TMEM120B: variants seen among roughly 807,000 people sequenced by gnomAD.
TMEM120B encodes the protein transmembrane protein 120B.
Under a neutral mutation model 55.5 loss-of-function variants are expected in TMEM120B, and 31 were observed. The observed-to-expected ratio is 0.56, with a 90% CI of 0.42 to 0.75. TMEM120B has a LOEUF of 0.75. TMEM120B is among the 30% of genes least tolerant of loss of function. The pLI is 0.00. For synonymous variants in TMEM120B, 203 were observed against 176.3 expected, an observed-to-expected ratio of 1.15 and a Z score of -1.20; for missense variants, 399 against 425.5, an observed-to-expected ratio of 0.94 and a Z score of 0.55.
chr12:121,752,294 C>A, intron 5 of TMEM120B, 71 bp downstream of exon 5: 1 of 1,327,150 alleles, frequency 7.5e-7, no homozygotes, highest in South Asian at 1.2e-5. Flanking sequence ...AGAGAGGGAT[C>A]CAGGGGACCC....
chr12:121,742,261 C>T (rs1056086544), intron 1 of TMEM120B, among the ~76,000 whole-genome samples: 19 of 152,132 alleles, frequency 1.2e-4, no homozygotes, highest in African/African-American at 4.3e-4. Context: ...CCTTGGCCTC[C>T]CAAAGTGCTG....
intron 8 of TMEM120B, among the ~76,000 whole-genome samples, chr12:121,772,050 T>C (rs1274428546): frequency 6.6e-6 from 1 of 151,782 alleles, no homozygotes; most frequent in Non-Finnish European, 1.5e-5. Context: ...TCTTTCTTTC[T>C]TTCTTTTTCT....
At chr12:121,730,833 C>T (rs1011708913) in intron 1 of TMEM120B, among the ~76,000 whole-genome samples, 1 of 151,524 alleles carries the variant, frequency 6.6e-6, no homozygotes, top group African/African-American at 2.4e-5. Flanking sequence ...TGGCACATGC[C>T]TGTAATCCCA....
Position 121,775,854 on chromosome 12 carries a change from T to C in TMEM120B, c.*132T>C, listed in dbSNP as rs888309259. 6.4e-6 allele frequency: 6 copies of C among 934,618 alleles called. No homozygotes were observed. In the African/African-American group the frequency reaches 8.1e-5, roughly 13 times the overall value. The allele number at this position is 934,618 out of a possible 1,614,324, so 57.9% of individuals were successfully genotyped here. ...GCCCTGGTCCCCCAGTGGACCCCAG[T>C]GGTCTAGAGGAATGTGAGCCCCGCC... On this transcript the variant is annotated 3_prime_UTR_variant, in exon 12 of 12. Transcript: ENST00000449592. This position sits in a 1 kb window ranked among gnomAD's most constrained non-coding sequence, Gnocchi z 4.3.
chr12:121,760,322 C>T (rs975808394), intron 5 of TMEM120B, among the ~76,000 whole-genome samples: 12 of 151,758 alleles, frequency 7.9e-5, no homozygotes, highest in Admixed American at 5.3e-4. Flanking sequence ...GTAAAGTACA[C>T]TTAGAAGAGG....
At position 121,779,660 on chromosome 12, in the gene TMEM120B, G is replaced by A. The variant is rs986772660; in HGVS notation, c.*3938G>A. The A allele has an allele frequency of 3.1e-6, 5 of 1,613,676 alleles. No homozygotes were observed. The highest frequency in any genetic ancestry group is 1.3e-5 in the African/African-American group (1 of 74,942). On this transcript the variant is annotated 3_prime_UTR_variant, in exon 12 of 12. Coordinates refer to ENST00000449592, the MANE Select transcript of TMEM120B (RefSeq NM_001080825.2). ...CTCGGATCTGTTCGCAGGCGCTCAG[G>A]CCCTGGGTGGGGGGAGGAGCCAGCA... is the stretch of plus-strand genomic sequence containing the variant.
intron 1 of TMEM120B, among the ~76,000 whole-genome samples, chr12:121,740,812 G>A (rs1275563338): frequency 6.6e-6 from 1 of 152,162 alleles, no homozygotes; most frequent in African/African-American, 2.4e-5. Context: ...TACTATTTAG[G>A]AGAAAAGAGG....
intron 6 of TMEM120B, among the ~76,000 whole-genome samples, chr12:121,769,714 A>G (rs1873969227): frequency 2.5e-5 from 1 of 39,398 alleles, no homozygotes; most frequent in African/African-American, 7.7e-5. Flanking sequence ...AAAAGAGAAA[A>G]CGTGTGTGTG....
chr12:121,780,573 C>G lies in TMEM120B; in HGVS notation c.*4851C>G. 1.9e-6 allele frequency: 1 copy of G among 513,966 alleles called. No homozygotes were observed. Among genetic ancestry groups the G allele is most frequent in the Non-Finnish European group, 3.4e-6 (1 of 292,250 alleles). The allele number at this position is 513,966 out of a possible 1,614,324, so 31.8% of individuals were successfully genotyped here. A position where few individuals can be genotyped will look rare whatever the true frequency, so the allele number is the denominator to read the frequency against. ...TGCAGTGGATGGGACCAGATCCTGG[C>G]TCCACTTCTCGCTAGCTGTGTGGCC... On this transcript the variant is annotated 3_prime_UTR_variant, in exon 12 of 12. Coordinates refer to ENST00000449592, the MANE Select transcript of TMEM120B (RefSeq NM_001080825.2).
chr12:121,759,776 CA>C (rs1409940924), intron 5 of TMEM120B, among the ~76,000 whole-genome samples: 3 of 152,062 alleles, frequency 2.0e-5, no homozygotes, highest in Non-Finnish European at 4.4e-5. Flanking sequence ...TTGGGTGAAT[CA>C]CTTGTGGTCA....
Position 121,775,945 on chromosome 12 carries a change from A to G in TMEM120B, c.*223A>G. The G allele has an allele frequency of 1.6e-6, 1 of 612,586 alleles. No homozygotes were observed. Among genetic ancestry groups the G allele is most frequent in the Non-Finnish European group, 2.9e-6 (1 of 344,748 alleles). The allele number at this position is 612,586 out of a possible 1,614,324, so 37.9% of individuals were successfully genotyped here. A position where few individuals can be genotyped will look rare whatever the true frequency, so the allele number is the denominator to read the frequency against. On this transcript the variant is annotated 3_prime_UTR_variant, in exon 12 of 12. Coordinates refer to ENST00000449592, the MANE Select transcript of TMEM120B (RefSeq NM_001080825.2). The surrounding 1 kb of genome is among the most constrained non-coding windows in gnomAD (Gnocchi z 4.3). ...ATGCTGGGTCCCCCATCGTCCCTGG[A>G]ACCCGAGGCCTCACTCCTGTGCTTG...
At chr12:121,730,619 C>A (rs1342765485) in intron 1 of TMEM120B, among the ~76,000 whole-genome samples, 1 of 144,692 alleles carries the variant, frequency 6.9e-6, no homozygotes, top group Non-Finnish European at 1.5e-5. Flanking sequence ...CCACTGCACT[C>A]CAGCCTGGCG....
rs891759449 is a variant in TMEM120B at position 121,781,468 on chromosome 12, C to A, written c.*5746C>A. On this transcript the variant is annotated 3_prime_UTR_variant, in exon 12 of 12. Transcript: ENST00000449592. Reference sequence around the variant, plus strand: ...CCTGGGTGACAGAGCGAGACCCTGTCTCTTAACAACAAAACCCATGAGCGG... The same window carrying A: ...CCTGGGTGACAGAGCGAGACCCTGTATCTTAACAACAAAACCCATGAGCGG... The A allele has an allele frequency of 5.1e-6, 2 of 389,754 alleles. No homozygotes were observed. Among genetic ancestry groups the A allele is most frequent in the Admixed American group, 8.2e-5 (2 of 24,384 alleles). The allele number at this position is 389,754 out of a possible 1,614,324, so 24.1% of individuals were successfully genotyped here.
rs1874354112 is a variant in TMEM120B at position 121,779,345 on chromosome 12, G to A, written c.*3623G>A. ...GAGTTTGTGGTCAGAGCCCCAGCCAGGAAAGGAGAGAGTTCCAGAATGTTC... is the reference window on the plus strand; with the variant it reads ...GAGTTTGTGGTCAGAGCCCCAGCCAAGAAAGGAGAGAGTTCCAGAATGTTC... On this transcript the variant is annotated 3_prime_UTR_variant, in exon 12 of 12. Coordinates refer to ENST00000449592, the MANE Select transcript of TMEM120B (RefSeq NM_001080825.2). 6.1e-6 allele frequency: 5 copies of A among 818,852 alleles called. No homozygotes were observed. In the East Asian group the frequency reaches 1.3e-4, roughly 22 times the overall value. The allele number at this position is 818,852 out of a possible 1,614,324, so 50.7% of individuals were successfully genotyped here.
At chr12:121,760,488 C>T (rs778537777) in intron 5 of TMEM120B, among the ~76,000 whole-genome samples, 9 of 152,120 alleles carry the variant, frequency 5.9e-5, no homozygotes, top group Middle Eastern at 3.2e-3. Context: ...GGGAGGGGCG[C>T]GTGCGCAGTT....
intron 1 of TMEM120B, among the ~76,000 whole-genome samples, chr12:121,721,903 G>A (rs1279655988): frequency 6.9e-6 from 1 of 145,562 alleles, no homozygotes; most frequent in African/African-American, 2.6e-5. Flanking sequence ...CTGCCTCCCG[G>A]GTTCAAGCGA....
intron 5 of TMEM120B, among the ~76,000 whole-genome samples, chr12:121,752,591 A>C (rs1401191896): frequency 6.6e-6 from 1 of 152,068 alleles, no homozygotes; most frequent in Non-Finnish European, 1.5e-5. Flanking sequence ...TGTCTCTACT[A>C]AAAATGCAAA....
At chr12:121,751,721 A>G (rs1386443508) in intron 4 of TMEM120B, among the ~76,000 whole-genome samples, 1 of 150,420 alleles carries the variant, frequency 6.6e-6, no homozygotes. Context: ...ATTTCGCACA[A>G]GAAATGGCCC....
At chr12:121,716,169 G>A (rs1016858352) in intron 1 of TMEM120B, among the ~76,000 whole-genome samples, 1 of 151,528 alleles carries the variant, frequency 6.6e-6, no homozygotes, top group Admixed American at 6.6e-5. Context: ...ATTGCTGGGT[G>A]TGGTGGTGCA....
Sources: allele counts gnomAD v4.1 joint callset (sites outside exome capture counted in the v4.1 genomes callset), GRCh38; gene constraint gnomAD v4.1.1; non-coding constraint Gnocchi (gnomAD v3.1); transcripts MANE v1.5; gene names NCBI Gene and HGNC (gene_info 2026-07-23, HGNC 2026-07-21).